The following DPP10 variants were observed in gnomAD, a reference collection of about 807,000 sequenced individuals.
DPP10 encodes the protein dipeptidyl peptidase like 10.
A neutral mutation model predicts 120.9 loss-of-function variants in DPP10; 33 were observed. The observed-to-expected ratio is 0.27, with a 90% CI of 0.21 to 0.37. The LOEUF (loss-of-function observed/expected upper bound fraction) is 0.37, where lower values mean the gene tolerates loss of function less well. Among genes scored for constraint, DPP10 ranks in the 10% least tolerant of loss-of-function variants. The pLI is 1.00. For synonymous variants in DPP10, 337 were observed against 326.1 expected, an observed-to-expected ratio of 1.03 and a Z score of -0.36; for missense variants, 816 against 942.8, an observed-to-expected ratio of 0.87 and a Z score of 1.76.
chr2:115,656,133 AAC>A (rs146572509), intron 5 of DPP10, among the ~76,000 whole-genome samples: 51,399 of 142,964 alleles, frequency 0.36, 10,247 homozygotes, highest in Non-Finnish European at 0.48. Context: ...GTTCTTACCA[AAC>A]ACACACACAC....
intron 1 of DPP10, among the ~76,000 whole-genome samples, chr2:114,889,688 T>C (rs2106633059): frequency 6.6e-6 from 1 of 151,774 alleles, no homozygotes; most frequent in South Asian, 2.1e-4. Flanking sequence ...AGAAAAAAAA[T>C]GGTTTTGTAA....
At chr2:115,465,397 G>A (rs1180664174) in intron 3 of DPP10, among the ~76,000 whole-genome samples, 1 of 152,142 alleles carries the variant, frequency 6.6e-6, no homozygotes, top group Non-Finnish European at 1.5e-5. Flanking sequence ...CACTGAGGAA[G>A]GAGAACTACT....
At chr2:114,817,603 T>C (rs1231415321) in intron 1 of DPP10, among the ~76,000 whole-genome samples, 4 of 152,198 alleles carry the variant, frequency 2.6e-5, no homozygotes, top group African/African-American at 9.6e-5. Context: ...CTTTCTATAC[T>C]TCCACCCTGC....
chr2:114,761,119 C>A (rs112275177), intron 1 of DPP10, among the ~76,000 whole-genome samples: 5 of 152,218 alleles, frequency 3.3e-5, no homozygotes, highest in African/African-American at 1.2e-4. Flanking sequence ...GTATAACTAG[C>A]CAGTTTTAAG....
At chr2:115,339,954 A>G (rs1324714376) in intron 2 of DPP10, among the ~76,000 whole-genome samples, 3 of 152,158 alleles carry the variant, frequency 2.0e-5, no homozygotes, top group Admixed American at 1.3e-4. Context: ...AAACTGCAGA[A>G]ATCTGAGTAA....
intron 1 of DPP10, among the ~76,000 whole-genome samples, chr2:114,643,131 T>C (rs982402841): frequency 6.6e-6 from 1 of 151,894 alleles, no homozygotes; most frequent in African/African-American, 2.4e-5. Context: ...TTCTAGGACA[T>C]GTGAACTTGG....
Position 115,843,674 on chromosome 2 carries a change from G to A in DPP10, c.*1329G>A, listed in dbSNP as rs1421256046. The A allele has an allele frequency of 6.6e-6, 1 of 152,136 alleles. No homozygotes were observed. Among genetic ancestry groups the A allele is most frequent in the African/African-American group, 2.4e-5 (1 of 41,440 alleles). The allele number at this position is 152,136 out of a possible 1,614,324, so 9.4% of individuals were successfully genotyped here. On this transcript the variant is annotated 3_prime_UTR_variant, in exon 26 of 26. Coordinates refer to ENST00000410059, the MANE Select transcript of DPP10 (RefSeq NM_020868.6). ...GACTTGCAGTAGTAAGTAACTGAGA[G>A]CATAAAATAAACCTGACTGTATGAA...
At chr2:114,579,199 G>A (rs1264748786) in intron 1 of DPP10, among the ~76,000 whole-genome samples, 1 of 152,128 alleles carries the variant, frequency 6.6e-6, no homozygotes, top group East Asian at 1.9e-4. Context: ...TTTCCGATAT[G>A]CAGTACTTTG....
intron 1 of DPP10, among the ~76,000 whole-genome samples, chr2:114,597,604 C>T (rs1692022435): frequency 6.6e-6 from 1 of 151,908 alleles, no homozygotes; most frequent in Admixed American, 6.6e-5. Context: ...AAATTTTGTT[C>T]AACGTTTCAG....
chr2:114,494,907 A>AATTAC (rs1224338852), intron 1 of DPP10, among the ~76,000 whole-genome samples: 1 of 152,138 alleles, frequency 6.6e-6, no homozygotes, highest in Admixed American at 6.6e-5. Flanking sequence ...TTTTCATCTA[A>AATTAC]ATTACAGGTG....
At chr2:115,814,567 A>G in intron 19 of DPP10, 1 of 344,822 alleles carries the variant, frequency 2.9e-6, no homozygotes, top group Non-Finnish European at 5.2e-6. Context: ...GTTAACTCAT[A>G]CTTTCATTTC....
Position 115,719,676 on chromosome 2 carries a change from G to A in DPP10, c.577-8140G>A, listed in dbSNP as rs1168293055. On this transcript the variant is annotated intron_variant, in intron 7 of 25. Coordinates refer to ENST00000410059, the MANE Select transcript of DPP10 (RefSeq NM_020868.6). Reference sequence around the variant, plus strand: ...AAAGTAAAGTTGAATGCTGCATTGTGGCTTTCAGTAAATTTTGATAAAAGT... The same window carrying A: ...AAAGTAAAGTTGAATGCTGCATTGTAGCTTTCAGTAAATTTTGATAAAAGT... Among the ~76,000 whole-genome samples, 4 of 152,102 alleles carry A rather than the reference G, an allele frequency of 2.6e-5. No individual in the cohort carries two copies. In the East Asian group the frequency reaches 5.8e-4, roughly 22 times the overall value.
rs2074720622 is a variant in DPP10, at chr2:115,471,587, T to C, written c.272-27923T>C. Among the ~76,000 whole-genome samples, 3 of 40,094 alleles carry C rather than the reference T, an allele frequency of 7.5e-5. No individual in the cohort carries two copies. In the South Asian group the frequency reaches 7.0e-3, roughly 94 times the overall value. 26.3% of individuals were successfully genotyped at this position (40,094 alleles called of 152,430 possible). On this transcript the variant is annotated intron_variant, in intron 3 of 25. Coordinates refer to ENST00000410059, the MANE Select transcript of DPP10 (RefSeq NM_020868.6). ...TTCTTCTTTTTCTTTTCTTTTTCTC[T>C]CTTTTATTTTTTTTTTTGAGACAAG...
chr2:114,556,269 A>ATATAT (rs70937289), intron 1 of DPP10, among the ~76,000 whole-genome samples: 1 of 139,432 alleles, frequency 7.2e-6, no homozygotes, highest in African/African-American at 2.7e-5. Context: ...ATATATATAT[A>ATATAT]GGCAAATAAT....
chr2:115,770,881 A>T (rs1238693844), intron 13 of DPP10, among the ~76,000 whole-genome samples: 1 of 152,088 alleles, frequency 6.6e-6, no homozygotes, highest in Non-Finnish European at 1.5e-5. Flanking sequence ...GAAATATATG[A>T]TTTTCCCCTA....
At chr2:115,065,890 G>A (rs72949711) in intron 1 of DPP10, among the ~76,000 whole-genome samples, 24,748 of 152,070 alleles carry the variant, frequency 0.16, 2,289 homozygotes, top group African/African-American at 0.27. Context: ...TAATTGAATT[G>A]GTGTATCTGA....
intron 1 of DPP10, among the ~76,000 whole-genome samples, chr2:115,019,844 G>C (rs1350330033): frequency 6.6e-6 from 1 of 152,222 alleles, no homozygotes; most frequent in Non-Finnish European, 1.5e-5. Flanking sequence ...AGCTAGAAGG[G>C]ACCTGGGTCC....
intron 1 of DPP10, among the ~76,000 whole-genome samples, chr2:115,107,997 T>C (rs2049033647): frequency 6.6e-6 from 1 of 152,202 alleles, no homozygotes; most frequent in African/African-American, 2.4e-5. Flanking sequence ...CACATAAAAT[T>C]AATCTTTTCA....
intron 1 of DPP10, among the ~76,000 whole-genome samples, chr2:114,829,974 T>C (rs902585771): frequency 1.3e-5 from 2 of 152,032 alleles, no homozygotes; most frequent in African/African-American, 4.8e-5. Flanking sequence ...CCCACCCATT[T>C]TCCTCTAAGC....
Sources: gnomAD v4.1 joint callset for allele counts (sites outside exome capture counted in the v4.1 genomes callset) on GRCh38, gnomAD v4.1.1 for gene constraint, MANE v1.5 for transcripts, NCBI Gene and HGNC (gene_info 2026-07-23, HGNC 2026-07-21) for gene names.